Variants in KCNC2 observed in about 807,000 individuals in gnomAD.
The protein encoded by KCNC2 is potassium voltage-gated channel subfamily C member 2, also known as voltage-gated potassium channel KCNC2.
In KCNC2, 21 loss-of-function variants were observed where a neutral mutation model predicts 44.5. The ratio of observed to expected loss-of-function variants is 0.47; its 90% CI spans 0.33 to 0.68. The LOEUF is 0.68. Ranked by LOEUF, KCNC2 falls within the 30% of genes least tolerant of loss-of-function variation. KCNC2 has a pLI of 0.01. For missense variants in KCNC2, 589 were observed against 826.2 expected, an observed-to-expected ratio of 0.71 and a Z score of 3.52; for synonymous variants, 391 against 339.1, an observed-to-expected ratio of 1.15 and a Z score of -1.68.
chr12:75,041,053 C>T lies in KCNC2; in HGVS notation c.*2052G>A, dbSNP rs1187995417. ...CAGTTCTTTTATAAGCTTTAAGTGCCTCATGAAGACGCGAGGATCTCTTCC... is the reference window on the plus strand; with the variant it reads ...CAGTTCTTTTATAAGCTTTAAGTGCTTCATGAAGACGCGAGGATCTCTTCC... On this transcript the variant is annotated 3_prime_UTR_variant, in exon 5 of 5. Transcript: ENST00000549446. 6 of 1,470,244 alleles carry T rather than the reference C, an allele frequency of 4.1e-6. No homozygotes were observed. Among genetic ancestry groups the T allele is most frequent in the Non-Finnish European group, 5.6e-6 (6 of 1,064,578 alleles). The allele number at this position is 1,470,244 out of a possible 1,614,324, so 91.1% of individuals were successfully genotyped here.
intron 2 of KCNC2, among the ~76,000 whole-genome samples, chr12:75,190,933 G>A (rs1028989234): frequency 1.3e-5 from 2 of 151,544 alleles, no homozygotes; most frequent in Non-Finnish European, 2.9e-5. Flanking sequence ...TTTATATATG[G>A]CATATCCACA....
intron 2 of KCNC2, among the ~76,000 whole-genome samples, chr12:75,090,003 G>T (rs1885337278): frequency 2.0e-5 from 3 of 151,770 alleles, no homozygotes; most frequent in African/African-American, 7.2e-5. Flanking sequence ...ACAGTATAAT[G>T]GTCCAGTTTA....
chr12:75,087,035 T>C (rs1409943017), intron 2 of KCNC2, among the ~76,000 whole-genome samples: 1 of 152,130 alleles, frequency 6.6e-6, no homozygotes, highest in Non-Finnish European at 1.5e-5. Context: ...AAAATTGAAT[T>C]ATACTTTCTT....
At chr12:75,069,129 C>CTTTTTTTTTTTTTTTTTTTTTT (rs1158151551) in intron 2 of KCNC2, among the ~76,000 whole-genome samples, 2 of 63,648 alleles carry the variant, frequency 3.1e-5, no homozygotes, top group Non-Finnish European at 5.5e-5. Flanking sequence ...TTTATATAAT[C>CTTTTTTTTTTTTTTTTTTTTTT]TTTTTTTTTT....
At chr12:75,174,245 G>A (rs1424971761) in intron 2 of KCNC2, among the ~76,000 whole-genome samples, 1 of 149,956 alleles carries the variant, frequency 6.7e-6, no homozygotes, top group Non-Finnish European at 1.5e-5. Context: ...ATTTAAGTTT[G>A]TTATTTTTTT....
chr12:75,104,828 G>A (rs1448824353), intron 2 of KCNC2, among the ~76,000 whole-genome samples: 4 of 152,096 alleles, frequency 2.6e-5, no homozygotes, highest in Admixed American at 6.6e-5. Flanking sequence ...TCAAACCCAG[G>A]CAGTATGGCT....
intron 2 of KCNC2, among the ~76,000 whole-genome samples, chr12:75,161,633 G>A (rs952826092): frequency 2.0e-5 from 3 of 151,656 alleles, no homozygotes; most frequent in African/African-American, 7.2e-5. Context: ...AAAATTTCTG[G>A]CCCAGTAAGT....
chr12:75,153,951 G>A (rs1890586626), intron 2 of KCNC2, among the ~76,000 whole-genome samples: 1 of 151,716 alleles, frequency 6.6e-6, no homozygotes, highest in South Asian at 2.1e-4. Flanking sequence ...GAGGTGGAAG[G>A]GGAGGCAGGA....
chr12:75,043,920 G>T, intron 4 of KCNC2: 1 of 643,108 alleles, frequency 1.6e-6, no homozygotes, highest in South Asian at 3.0e-5. Context: ...GTTTTCAGCT[G>T]ATTTCCACCC....
intron 2 of KCNC2, among the ~76,000 whole-genome samples, chr12:75,190,858 T>C (rs2030137111): frequency 6.6e-6 from 1 of 151,954 alleles, no homozygotes; most frequent in African/African-American, 2.4e-5. Flanking sequence ...ATGTATATAG[T>C]ATAAATTAAA....
chr12:75,093,330 A>T (rs1885649093), intron 2 of KCNC2, among the ~76,000 whole-genome samples: 1 of 151,582 alleles, frequency 6.6e-6, no homozygotes, highest in African/African-American at 2.4e-5. Context: ...TTAATTCCAC[A>T]AAAAGAAAAG....
intron 2 of KCNC2, among the ~76,000 whole-genome samples, chr12:75,180,023 A>C (rs1892472687): frequency 6.6e-6 from 1 of 151,856 alleles, no homozygotes; most frequent in Non-Finnish European, 1.5e-5. Context: ...ATAAGTTAAC[A>C]ACACCAAAAT....
intron 2 of KCNC2, among the ~76,000 whole-genome samples, chr12:75,111,973 A>G (rs1887287373): frequency 6.7e-6 from 1 of 150,196 alleles, no homozygotes; most frequent in Non-Finnish European, 1.5e-5. Flanking sequence ...AGAAAACTCA[A>G]TAAAATTCAA....
At chr12:75,106,767 A>T (rs1886821279) in intron 2 of KCNC2, among the ~76,000 whole-genome samples, 1 of 152,202 alleles carries the variant, frequency 6.6e-6, no homozygotes, top group African/African-American at 2.4e-5. Context: ...ACCTCTTATA[A>T]TTTAAATATT....
At chr12:75,074,607 A>G (rs1172575935) in intron 2 of KCNC2, among the ~76,000 whole-genome samples, 2 of 152,132 alleles carry the variant, frequency 1.3e-5, no homozygotes, top group Non-Finnish European at 2.9e-5. Flanking sequence ...CCCGCATGTA[A>G]TTCAGTGGTT....
At chr12:75,178,891 G>T (rs1013667491) in intron 2 of KCNC2, among the ~76,000 whole-genome samples, 2 of 151,896 alleles carry the variant, frequency 1.3e-5, no homozygotes, top group African/African-American at 2.4e-5. Flanking sequence ...ATCATGCATA[G>T]AAAAGTTTTG....
intron 2 of KCNC2, among the ~76,000 whole-genome samples, chr12:75,172,318 A>C (rs935768825): frequency 5.3e-5 from 8 of 151,852 alleles, no homozygotes; most frequent in Non-Finnish European, 8.8e-5. Flanking sequence ...TCACTGGGGC[A>C]TGTTGGAGGC....
chr12:75,061,419 G>A (rs923270096), intron 2 of KCNC2, among the ~76,000 whole-genome samples: 1 of 151,990 alleles, frequency 6.6e-6, no homozygotes, highest in Admixed American at 6.6e-5. Flanking sequence ...AATTTATGCT[G>A]AATTCAGAGA....
intron 2 of KCNC2, among the ~76,000 whole-genome samples, chr12:75,112,747 T>C (rs1243883324): frequency 1.3e-5 from 2 of 152,018 alleles, no homozygotes; most frequent in Non-Finnish European, 2.9e-5. Context: ...ATAAAATCCA[T>C]ATAATTGAGC....
Sources: allele counts gnomAD v4.1 joint callset (sites outside exome capture counted in the v4.1 genomes callset), GRCh38; gene constraint gnomAD v4.1.1; transcripts MANE v1.5; gene names NCBI Gene and HGNC (gene_info 2026-07-23, HGNC 2026-07-21).